CUL2: variants seen among roughly 807,000 people sequenced by gnomAD.
CUL2 encodes cullin-2.
In CUL2, 22 loss-of-function variants were observed where a neutral mutation model predicts 110.2. The ratio of observed to expected loss-of-function variants is 0.20; its 90% CI spans 0.14 to 0.28. The LOEUF (loss-of-function observed/expected upper bound fraction) is 0.28. CUL2 is among the 10% of genes least tolerant of loss of function. The probability of loss-of-function intolerance (pLI) is 1.00; values close to 1 mark genes in which losing one functional copy is unlikely to be tolerated. For synonymous variants in CUL2, 279 were observed against 293.2 expected, an observed-to-expected ratio of 0.95 and a Z score of 0.49; for missense variants, 631 against 905.5, an observed-to-expected ratio of 0.70 and a Z score of 3.89.
intron 19 of CUL2, among the ~76,000 whole-genome samples, 199 bp downstream of exon 19, chr10:35,013,500 T>A (rs549696616): frequency 1.3e-5 from 2 of 152,300 alleles, no homozygotes; most frequent in East Asian, 1.9e-4. Flanking sequence ...CATACCCTTT[T>A]CCTTAGAAAA....
chr10:35,025,220 A>G, intron 16 of CUL2, 22 bp from the exon 17 acceptor site: 1 of 1,527,912 alleles, frequency 6.5e-7, no homozygotes, highest in African/African-American at 1.5e-5. Context: ...AAAAAAAAAC[A>G]CACATTATTT....
At chr10:35,025,937 A>G (rs2085327020) in intron 16 of CUL2, among the ~76,000 whole-genome samples, 1 of 152,232 alleles carries the variant, frequency 6.6e-6, no homozygotes, top group African/African-American at 2.4e-5. Flanking sequence ...TGTACCATAT[A>G]TAACATACTT....
At chr10:35,076,124 C>T (rs1054414232) in intron 1 of CUL2, among the ~76,000 whole-genome samples, 1 of 152,180 alleles carries the variant, frequency 6.6e-6, no homozygotes, top group African/African-American at 2.4e-5. Flanking sequence ...CACACTATCA[C>T]ATGGATGACC....
chr10:35,013,667 C>T (rs1254826616), intron 19 of CUL2, 32 bp downstream of exon 19: 1 of 1,410,850 alleles, frequency 7.1e-7, no homozygotes, highest in Non-Finnish European at 9.8e-7. Context: ...ATGTTTCCCC[C>T]TCAAAAAAAA....
intron 17 of CUL2, among the ~76,000 whole-genome samples, chr10:35,020,656 T>A (rs962515980): frequency 6.6e-6 from 1 of 152,174 alleles, no homozygotes; most frequent in South Asian, 2.1e-4. Flanking sequence ...TGACCAGCAA[T>A]CTCTACAACT....
chr10:35,025,218 A>AAC lies in CUL2; in HGVS notation c.1618-21_1618-20insGT. 2 of 1,480,342 alleles carry AAC rather than the reference A, an allele frequency of 1.4e-6. No homozygotes were observed. Among genetic ancestry groups the AAC allele is most frequent in the Non-Finnish European group, 1.8e-6 (2 of 1,104,896 alleles). The allele number at this position is 1,480,342 out of a possible 1,614,324, so 91.7% of individuals were successfully genotyped here. A position where few individuals can be genotyped will look rare whatever the true frequency, so the allele number is the denominator to read the frequency against. On this transcript the variant is annotated intron_variant, in intron 16 of 20. Transcript: ENST00000374749. ...TTCAAACTGTAAAAAAAAAAAAAAA[A>AAC]CACACATTATTTTTAGCTACTATAA...
chr10:35,111,625 C>T (rs188656282), intron 1 of CUL2, among the ~76,000 whole-genome samples: 7 of 152,258 alleles, frequency 4.6e-5, no homozygotes, highest in African/African-American at 9.6e-5. Flanking sequence ...TGGTGGCTCA[C>T]GCCTGTAATA....
chr10:35,039,583 G>C (rs1483540204), intron 8 of CUL2, among the ~76,000 whole-genome samples: 1 of 152,198 alleles, frequency 6.6e-6, no homozygotes, highest in Non-Finnish European at 1.5e-5. Context: ...TGAAAGTAGG[G>C]GCTGGACATG....
At chr10:35,064,633 A>C (rs1406614351) in intron 2 of CUL2, among the ~76,000 whole-genome samples, 1 of 152,100 alleles carries the variant, frequency 6.6e-6, no homozygotes, top group Non-Finnish European at 1.5e-5. Context: ...CCCTCTCCAC[A>C]TTTATTTACT....
Position 35,106,536 on chromosome 10 carries a change from G to A in CUL2, c.-50-5476C>T, listed in dbSNP as rs181346524. On this transcript the variant is annotated intron_variant, in intron 1 of 5. Transcript: ENST00000685421. ...TTTTTTAGAGATGAGGTTTCACCGT[G>A]TTAGCCAGGATGGTCTCAATCTCCT... 1.2e-3 allele frequency among the ~76,000 whole-genome samples: 185 copies of A among 149,930 alleles called. 1 individual carries two copies. Among genetic ancestry groups the A allele is most frequent in the African/African-American group, 4.3e-3 (174 of 40,614 alleles).
At chr10:35,088,762 CAGG>C (rs1250799061) in intron 1 of CUL2, among the ~76,000 whole-genome samples, 3 of 152,124 alleles carry the variant, frequency 2.0e-5, no homozygotes. Flanking sequence ...ATTTCAGATG[CAGG>C]AGAACATCCA....
chr10:35,014,844 A>T (rs2084986855), intron 18 of CUL2, among the ~76,000 whole-genome samples: 1 of 152,110 alleles, frequency 6.6e-6, no homozygotes, highest in South Asian at 2.1e-4. Context: ...AAAATAAATA[A>T]ACATAAAATA....
intron 5 of CUL2, 135 bp from the exon 6 acceptor site, chr10:35,049,900 G>A: frequency 1.8e-6 from 1 of 550,212 alleles, no homozygotes; most frequent in Non-Finnish European, 3.2e-6. Flanking sequence ...AATAAAACCT[G>A]AACAAAAATT....
At chr10:35,037,335 T>C (rs11595898) in intron 9 of CUL2, among the ~76,000 whole-genome samples, 46,635 of 152,116 alleles carry the variant, frequency 0.31, 7,452 homozygotes, top group South Asian at 0.35. Context: ...AGTGGCCACA[T>C]ATGCTTGGGT....
rs908245392 is a variant in CUL2 at position 35,009,466 on chromosome 10, A to C, written c.*845T>G. 2.0e-5 allele frequency: 3 copies of C among 151,982 alleles called. No individual in the cohort carries two copies. The highest frequency in any genetic ancestry group is 2.4e-5 in the African/African-American group (1 of 41,354). 9.4% of individuals were successfully genotyped at this position (151,982 alleles called of 1,614,324 possible). ...GGCCACAGAGCTAGGGTACTAGTCT[A>C]TGCTAGAATTAATGGATTATGCAAC... On this transcript the variant is annotated 3_prime_UTR_variant, in exon 21 of 21. Transcript: ENST00000374749.
At chr10:35,109,546 C>T (rs1179863238) in intron 1 of CUL2, among the ~76,000 whole-genome samples, 3 of 152,160 alleles carry the variant, frequency 2.0e-5, no homozygotes. Context: ...ATGGGGGATA[C>T]TACATTAGCT....
chr10:35,039,035 T>C lies in CUL2; in HGVS notation c.762A>G (p.Leu254=), dbSNP rs768606341. 7 of 1,607,204 alleles carry C rather than the reference T, an allele frequency of 4.4e-6. No individual in the cohort carries two copies. Among genetic ancestry groups the C allele is most frequent in the South Asian group, 1.1e-5 (1 of 90,024 alleles). The change falls in exon 9 of 21, where the codon CTA becomes CTG. Residue 254 remains leucine, a synonymous_variant. Coordinates refer to ENST00000374749, the MANE Select transcript of CUL2 (RefSeq NM_003591.4). ...KDEEIRCRKY[L]HPSSYTKVIH... Reference sequence around the variant, plus strand: ...TCACCTTAGTATATGAACTTGGATGTAGGTATTTTCGACATCGAATTTCTT... The same window carrying C: ...TCACCTTAGTATATGAACTTGGATGCAGGTATTTTCGACATCGAATTTCTT...
chr10:35,037,716 G>A (rs569543602), intron 9 of CUL2, among the ~76,000 whole-genome samples: 1 of 152,198 alleles, frequency 6.6e-6, no homozygotes, highest in South Asian at 2.1e-4. Context: ...GGGGGCGGAT[G>A]CCTGTAGTCC....
chr10:35,038,803 T>C (rs1182679686), intron 9 of CUL2, 117 bp downstream of exon 9: 2 of 600,746 alleles, frequency 3.3e-6, no homozygotes, highest in Non-Finnish European at 5.4e-6. Flanking sequence ...CTGTAAAAGG[T>C]TATTTAAAAT....
Sources: gnomAD v4.1 joint callset for allele counts (sites outside exome capture counted in the v4.1 genomes callset) on GRCh38, gnomAD v4.1.1 for gene constraint, MANE v1.5 for transcripts, NCBI Gene and HGNC (gene_info 2026-07-23, HGNC 2026-07-21) for gene names.